MBNL2: variants seen among roughly 807,000 people sequenced by gnomAD.
MBNL2 encodes muscleblind like splicing regulator 2.
A neutral mutation model predicts 41.9 loss-of-function variants in MBNL2; 17 were observed. The ratio of observed to expected loss-of-function variants is 0.41; its 90% CI spans 0.28 to 0.61. The LOEUF is 0.61. Ranked by LOEUF, MBNL2 falls within the 20% of genes least tolerant of loss-of-function variation. The pLI, the probability that MBNL2 is intolerant of heterozygous loss-of-function variation, is 0.35. For synonymous variants in MBNL2, 195 were observed against 182.9 expected (o/e 1.07, Z -0.53); for missense variants, 336 against 505.6 (o/e 0.66, Z 3.22).
At chr13:97,149,940 C>G in the MBNL2 span, among the ~76,000 whole-genome samples, 2 of 152,208 alleles carry the variant, frequency 1.3e-5, no homozygotes, top group Non-Finnish European at 2.9e-5. Context: ...GCCTAAAACA[C>G]CCCCCTATAT....
At chr13:97,178,286 TTAAC>T in the MBNL2 span, among the ~76,000 whole-genome samples, 2 of 152,210 alleles carry the variant, frequency 1.3e-5, no homozygotes, top group Non-Finnish European at 2.9e-5. Context: ...ATTTATGTGT[TTAAC>T]TATCTGAGAC....
At chr13:97,183,536 AG>A in the MBNL2 span, among the ~76,000 whole-genome samples, 1 of 152,152 alleles carries the variant, frequency 6.6e-6, no homozygotes, top group South Asian at 2.1e-4. Context: ...AAATACCCAA[AG>A]GGATCCTCTC....
chr13:97,360,586 A>C (rs1254429826), intron 7 of MBNL2, among the ~76,000 whole-genome samples: 1 of 152,174 alleles, frequency 6.6e-6, no homozygotes, highest in African/African-American at 2.4e-5. Context: ...TATAGACATT[A>C]TCTCATTATT....
At chr13:97,206,148 T>C in the MBNL2 span, among the ~76,000 whole-genome samples, 1 of 152,222 alleles carries the variant, frequency 6.6e-6, no homozygotes, top group Admixed American at 6.5e-5. Context: ...TCTACAGTAA[T>C]GAATCAGAGA....
intron 2 of MBNL2, among the ~76,000 whole-genome samples, chr13:97,277,270 A>G (rs933788814): frequency 3.3e-5 from 5 of 152,224 alleles, no homozygotes; most frequent in African/African-American, 1.2e-4. Flanking sequence ...CCCTAACATT[A>G]TGAATCTGAG....
intron 7 of MBNL2, among the ~76,000 whole-genome samples, chr13:97,361,633 C>T (rs1018555235): frequency 4.6e-5 from 7 of 152,128 alleles, no homozygotes; most frequent in Non-Finnish European, 1.0e-4. Context: ...CCCAGTGTGG[C>T]TACAGGAGCT....
At chr13:97,314,732 T>C (rs2058891964) in intron 2 of MBNL2, among the ~76,000 whole-genome samples, 1 of 152,202 alleles carries the variant, frequency 6.6e-6, no homozygotes, top group African/African-American at 2.4e-5. Flanking sequence ...ACAACTCTAA[T>C]GTTCAAGATC....
At chr13:97,154,183 AGAGAAT>A in the MBNL2 span, among the ~76,000 whole-genome samples, 1 of 152,214 alleles carries the variant, frequency 6.6e-6, no homozygotes, top group Non-Finnish European at 1.5e-5. Flanking sequence ...AAGTCATAAA[AGAGAAT>A]TTGATGTGTA....
At chr13:97,238,415 T>C (rs576792089) in intron 1 of MBNL2, among the ~76,000 whole-genome samples, 1 of 152,248 alleles carries the variant, frequency 6.6e-6, no homozygotes, top group South Asian at 2.1e-4. Context: ...ATGGGCCTCA[T>C]AACCTCTCTC....
intron 8 of MBNL2, among the ~76,000 whole-genome samples, chr13:97,388,896 C>T: frequency 6.6e-6 from 1 of 152,184 alleles, no homozygotes; most frequent in Admixed American, 6.5e-5. Context: ...AGCTTTCCCA[C>T]CTTCTAAGAT....
chr13:97,160,459 T>C, the MBNL2 span, among the ~76,000 whole-genome samples: 1 of 152,196 alleles, frequency 6.6e-6, no homozygotes, highest in African/African-American at 2.4e-5. Flanking sequence ...TCTTTGCTTT[T>C]GTTGAACTGC....
intron 1 of MBNL2, among the ~76,000 whole-genome samples, chr13:97,247,620 G>A (rs1405003564): frequency 6.6e-6 from 1 of 152,180 alleles, no homozygotes; most frequent in Non-Finnish European, 1.5e-5. Context: ...TATTGAGGCA[G>A]TGGTGTTACT....
intron 7 of MBNL2, 134 bp from the exon 8 acceptor site, chr13:97,365,002 C>A: frequency 1.3e-6 from 1 of 761,804 alleles, no homozygotes. Flanking sequence ...ATGTGAATGG[C>A]CCTAAAAGAC....
chr13:97,154,869 TTGGCTG>T, the MBNL2 span, among the ~76,000 whole-genome samples: 3 of 151,956 alleles, frequency 2.0e-5, no homozygotes, highest in Non-Finnish European at 4.4e-5. Context: ...AAAATTCACC[TTGGCTG>T]AAAGAGGTGA....
At chr13:97,318,619 TG>T (rs1325161326) in intron 2 of MBNL2, among the ~76,000 whole-genome samples, 1 of 152,224 alleles carries the variant, frequency 6.6e-6, no homozygotes, top group Non-Finnish European at 1.5e-5. Flanking sequence ...TTCATAATAA[TG>T]CATCAATTCA....
At chr13:97,298,177 TAAA>T (rs1050727588) in intron 2 of MBNL2, among the ~76,000 whole-genome samples, 1 of 151,144 alleles carries the variant, frequency 6.6e-6, no homozygotes, top group Non-Finnish European at 1.5e-5. Context: ...TGAAGTATAA[TAAA>T]ATAATAATAT....
intron 1 of MBNL2, among the ~76,000 whole-genome samples, chr13:97,258,020 C>G (rs575391120): frequency 6.6e-6 from 1 of 152,270 alleles, no homozygotes; most frequent in East Asian, 1.9e-4. Flanking sequence ...GGAAGCAGAG[C>G]CCAATAGTGA....
At chr13:97,370,820 A>G (rs1357744609) in intron 8 of MBNL2, among the ~76,000 whole-genome samples, 1 of 152,192 alleles carries the variant, frequency 6.6e-6, no homozygotes. Context: ...AAACAGGTTC[A>G]TGGGTTTCTT....
chr13:97,215,883 C>T, the MBNL2 span, among the ~76,000 whole-genome samples: 1 of 152,100 alleles, frequency 6.6e-6, no homozygotes, highest in Non-Finnish European at 1.5e-5. Context: ...GGATTCTAAG[C>T]CCTAAGGGCT....
Sources: allele counts gnomAD v4.1 joint callset (sites outside exome capture counted in the v4.1 genomes callset), GRCh38; gene constraint gnomAD v4.1.1; transcripts MANE v1.5; gene names NCBI Gene and HGNC (gene_info 2026-07-23, HGNC 2026-07-21).